ERG: variants seen among roughly 807,000 people sequenced by gnomAD.
ERG encodes transcriptional regulator ERG.
A neutral mutation model predicts 55.3 loss-of-function variants in ERG; 9 were observed. The ratio of observed to expected loss-of-function variants is 0.16; its 90% CI spans 0.10 to 0.28. The LOEUF (loss-of-function observed/expected upper bound fraction) is 0.28, where lower values mean the gene tolerates loss of function less well. Among genes scored for constraint, ERG ranks in the 10% least tolerant of loss-of-function variants. The pLI is 1.00. For missense variants in ERG, 434 were observed against 631.6 expected (o/e 0.69, Z 3.35); for synonymous variants, 223 against 237.3 (o/e 0.94, Z 0.55).
chr21:38,564,132 C>G (rs1407642612), intron 2 of ERG, among the ~76,000 whole-genome samples: 1 of 150,838 alleles, frequency 6.6e-6, no homozygotes, highest in African/African-American at 2.4e-5. Flanking sequence ...TGCACAGAAC[C>G]CAGAAATCCT....
At chr21:38,486,024 C>T (rs1394636671) in intron 1 of ERG, among the ~76,000 whole-genome samples, 2 of 152,012 alleles carry the variant, frequency 1.3e-5, no homozygotes, top group African/African-American at 4.8e-5. Flanking sequence ...ACCTTTGCCT[C>T]CCAGGTTCAA....
downstream of ERG, among the ~76,000 whole-genome samples, chr21:38,379,854 G>A (rs1027314665): frequency 1.4e-4 from 22 of 152,140 alleles, no homozygotes; most frequent in African/African-American, 3.9e-4. Flanking sequence ...CACCATGCCC[G>A]GCTTTTTGTA....
chr21:38,599,856 A>G (rs1417254465), intron 1 of ERG, among the ~76,000 whole-genome samples: 3 of 152,220 alleles, frequency 2.0e-5, no homozygotes, highest in Non-Finnish European at 4.4e-5. Flanking sequence ...CACCTACATC[A>G]TAACCTACTG....
intron 1 of ERG, among the ~76,000 whole-genome samples, chr21:38,478,444 A>G (rs1051690199): frequency 2.6e-5 from 4 of 152,152 alleles, no homozygotes; most frequent in Non-Finnish European, 5.9e-5. Context: ...TCTCCCAGGA[A>G]CACTGGGAGT....
intron 2 of ERG, among the ~76,000 whole-genome samples, chr21:38,571,154 A>C (rs2059955115): frequency 6.6e-6 from 1 of 152,110 alleles, no homozygotes; most frequent in South Asian, 2.1e-4. Context: ...ACCCCTTCAG[A>C]GAGTTGTATC....
chr21:38,487,249 A>G (rs1356967237), intron 1 of ERG, among the ~76,000 whole-genome samples: 1 of 147,974 alleles, frequency 6.8e-6, no homozygotes, highest in African/African-American at 2.7e-5. Flanking sequence ...GAGTAAAGAC[A>G]AAAAAAATCA....
intron 1 of ERG, among the ~76,000 whole-genome samples, chr21:38,579,691 T>C (rs1236204239): frequency 2.0e-5 from 3 of 152,118 alleles, no homozygotes; most frequent in Admixed American, 6.5e-5. Flanking sequence ...ACCAAAGGGA[T>C]TCACTCAGCA....
chr21:38,514,049 T>C (rs1443579279), intron 2 of ERG, among the ~76,000 whole-genome samples: 1 of 151,748 alleles, frequency 6.6e-6, no homozygotes, highest in Non-Finnish European at 1.5e-5. Flanking sequence ...AATTGGAAAA[T>C]ATAATTTACC....
chr21:38,530,251 G>A (rs1183295572), intron 2 of ERG, among the ~76,000 whole-genome samples: 1 of 151,938 alleles, frequency 6.6e-6, no homozygotes, highest in Non-Finnish European at 1.5e-5. Flanking sequence ...GTAGAGAGAG[G>A]GTTTCATCGT....
At chr21:38,573,435 A>G (rs543132913) in intron 2 of ERG, among the ~76,000 whole-genome samples, 1 of 152,182 alleles carries the variant, frequency 6.6e-6, no homozygotes, top group African/African-American at 2.4e-5. Flanking sequence ...CATTTGTTCA[A>G]TTCTGAGATG....
upstream of ERG, among the ~76,000 whole-genome samples, chr21:38,586,878 T>C (rs2060068744): frequency 6.6e-6 from 1 of 152,196 alleles, no homozygotes. Context: ...AGACAAGGTA[T>C]GGCATCAACC....
chr21:38,471,760 G>T (rs999092962), intron 1 of ERG: 2 of 152,156 alleles, frequency 1.3e-5, no homozygotes, highest in African/African-American at 4.8e-5. Flanking sequence ...CAAAAAAAAT[G>T]AACATGAGTC....
chr21:38,437,182 A>T (rs748543324), intron 2 of ERG, among the ~76,000 whole-genome samples: 7 of 152,050 alleles, frequency 4.6e-5, no homozygotes, highest in Non-Finnish European at 8.8e-5. Flanking sequence ...AGCCACCTGC[A>T]CCCGGCCAGC....
chr21:38,390,940 A>G, intron 9 of ERG, 55 bp downstream of exon 9: 1 of 1,438,300 alleles, frequency 7.0e-7, no homozygotes, highest in Non-Finnish European at 9.8e-7. Flanking sequence ...ACTTTTCAAA[A>G]TAACCACTGC....
At chr21:38,605,255 CGG>C (rs560543171) in intron 1 of ERG, among the ~76,000 whole-genome samples, 5 of 152,100 alleles carry the variant, frequency 3.3e-5, no homozygotes, top group Non-Finnish European at 7.4e-5. Flanking sequence ...ACCATTGTCA[CGG>C]GGTCACAAAA....
chr21:38,449,938 T>C (rs1466547391), intron 1 of ERG, among the ~76,000 whole-genome samples: 1 of 152,090 alleles, frequency 6.6e-6, no homozygotes, highest in Non-Finnish European at 1.5e-5. Context: ...TTTTCAAAAA[T>C]TAGGAAGATG....
At chr21:38,501,362 C>T (rs1463901267), upstream of ERG, among the ~76,000 whole-genome samples, 4 of 151,422 alleles carry the variant, frequency 2.6e-5, no homozygotes, top group Non-Finnish European at 2.9e-5. Flanking sequence ...CCACCACGCC[C>T]GGCCAAGGCA....
rs2059036290 is a variant in ERG at position 38,460,923 on chromosome 21, G to A, written c.19-15302C>T. Among the ~76,000 whole-genome samples the A allele has an allele frequency of 6.6e-6, 1 of 152,222 alleles. No homozygotes were observed. The highest frequency in any genetic ancestry group is 1.5e-5 in the Non-Finnish European group (1 of 68,044). ...GTTCACTGCTGTGCTTGCCTATGGA[G>A]AACCTGGATTCCCAGAGCTCTATCT... On this transcript the variant is annotated intron_variant, in intron 1 of 9. Transcript: ENST00000288319. The surrounding 1 kb of genome is among the most constrained non-coding windows in gnomAD (Gnocchi z 5.0).
At chr21:38,559,179 T>A (rs1191179687) in intron 2 of ERG, among the ~76,000 whole-genome samples, 1 of 151,976 alleles carries the variant, frequency 6.6e-6, no homozygotes, top group Non-Finnish European at 1.5e-5. Flanking sequence ...AACAAGGAAA[T>A]CCATAGGAGG....
Sources: allele counts gnomAD v4.1 joint callset (sites outside exome capture counted in the v4.1 genomes callset), GRCh38; gene constraint gnomAD v4.1.1; non-coding constraint Gnocchi (gnomAD v3.1); transcripts MANE v1.5; gene names NCBI Gene and HGNC (gene_info 2026-07-23, HGNC 2026-07-21).